The following RHOT1 variants were observed in gnomAD, a reference collection of about 807,000 sequenced individuals.
The protein encoded by RHOT1 is mitochondrial Rho GTPase 1.
In RHOT1, 27 loss-of-function variants were observed where a neutral mutation model predicts 95.3. The ratio of observed to expected loss-of-function variants is 0.28; its 90% CI spans 0.21 to 0.39. The LOEUF (loss-of-function observed/expected upper bound fraction) is 0.39. RHOT1 is among the 10% of genes least tolerant of loss of function. The pLI is 1.00. For missense variants in RHOT1, 578 were observed against 786.7 expected (o/e 0.73, Z 3.17); for synonymous variants, 227 against 263.5 (o/e 0.86, Z 1.34).
intron 1 of RHOT1, among the ~76,000 whole-genome samples, chr17:32,162,350 G>A (rs2033642764): frequency 6.6e-6 from 1 of 152,170 alleles, no homozygotes; most frequent in African/African-American, 2.4e-5. Context: ...AGAAGCTGGG[G>A]ACAAAGACCA....
intron 8 of RHOT1, 99 bp downstream of exon 8, chr17:32,183,371 T>C: frequency 1.7e-6 from 1 of 579,140 alleles, no homozygotes; most frequent in South Asian, 6.4e-5. Flanking sequence ...GAGATTAAAC[T>C]GCTGAAATTT....
At chr17:32,149,631 A>ATGTGTGTGTGTGTG (rs1417047494) in intron 1 of RHOT1, among the ~76,000 whole-genome samples, 104 of 88,100 alleles carry the variant, frequency 1.2e-3, no homozygotes, top group Middle Eastern at 5.6e-3. Flanking sequence ...ATATATATAT[A>ATGTGTGTGTGTGTG]TATATGTGTG....
At chr17:32,163,746 A>G (rs981818386) in intron 1 of RHOT1, among the ~76,000 whole-genome samples, 14 of 147,366 alleles carry the variant, frequency 9.5e-5, no homozygotes, top group African/African-American at 2.0e-4. Flanking sequence ...AAAGAAAGGG[A>G]AAAAAAAAAC....
At chr17:32,173,746 T>C (rs1322086142) in intron 2 of RHOT1, 85 bp from the exon 3 acceptor site, 2 of 898,694 alleles carry the variant, frequency 2.2e-6, no homozygotes, top group Non-Finnish European at 3.6e-6. Flanking sequence ...TCAACCTGTG[T>C]AGATAAATTT....
At chr17:32,163,685 G>A (rs144636766) in intron 1 of RHOT1, among the ~76,000 whole-genome samples, 29 of 151,618 alleles carry the variant, frequency 1.9e-4, no homozygotes, top group Admixed American at 4.6e-4. Flanking sequence ...AGCTGAGATC[G>A]TGCCACTGCA....
intron 1 of RHOT1, among the ~76,000 whole-genome samples, chr17:32,150,108 A>T (rs1260285507): frequency 6.6e-6 from 1 of 152,136 alleles, no homozygotes; most frequent in Non-Finnish European, 1.5e-5. Context: ...CTGCTTTATT[A>T]TTCCTTTGAT....
intron 18 of RHOT1, among the ~76,000 whole-genome samples, chr17:32,210,518 T>C (rs973444449): frequency 6.6e-6 from 1 of 152,234 alleles, no homozygotes; most frequent in East Asian, 1.9e-4. Context: ...TATATTTTAT[T>C]TGAGTAGAAA....
chr17:32,207,290 C>G (rs539061726), intron 17 of RHOT1: 1 of 333,958 alleles, frequency 3.0e-6, no homozygotes, highest in South Asian at 8.7e-5. Flanking sequence ...CAAGCTCTTC[C>G]CAGCTGTTAA....
At chr17:32,172,756 A>AG (rs1402542326) in intron 2 of RHOT1, among the ~76,000 whole-genome samples, 1 of 152,228 alleles carries the variant, frequency 6.6e-6, no homozygotes, top group Non-Finnish European at 1.5e-5. Flanking sequence ...GCTTGAACCC[A>AG]GGGGCAGAGC....
intron 1 of RHOT1, among the ~76,000 whole-genome samples, chr17:32,152,905 G>A (rs2032495569): frequency 6.6e-6 from 1 of 151,984 alleles, no homozygotes; most frequent in Non-Finnish European, 1.5e-5. Context: ...CTGGGCTCAG[G>A]TGATTCTCCC....
intron 2 of RHOT1, among the ~76,000 whole-genome samples, chr17:32,171,886 G>A (rs1187660219): frequency 1.3e-5 from 2 of 152,204 alleles, no homozygotes; most frequent in African/African-American, 4.8e-5. Flanking sequence ...GAACTTAATA[G>A]CAGGGAAGTG....
Position 32,183,290 on chromosome 17 carries a change from TA to T in RHOT1, c.540+19del. ...AGAAGGAGGTAACAGGCTGTGTTTA[TA>T]GGGGCTGGAATGTGTATGTAGTAAC... On this transcript the variant is annotated intron_variant, in intron 8 of 19. Coordinates refer to ENST00000545287, the MANE Select transcript of RHOT1 (RefSeq NM_001033566.3). 7.2e-7 allele frequency: 1 copy of T among 1,379,654 alleles called. No homozygotes were observed. The highest frequency in any genetic ancestry group is 1.8e-5 in the South Asian group (1 of 54,396). The allele number at this position is 1,379,654 out of a possible 1,614,324, so 85.5% of individuals were successfully genotyped here.
At chr17:32,190,398 T>C (rs1310932427) in intron 8 of RHOT1, among the ~76,000 whole-genome samples, 2 of 151,948 alleles carry the variant, frequency 1.3e-5, no homozygotes. Context: ...GAGGTTGCAG[T>C]GAGCCAAGAT....
At chr17:32,159,367 AG>A in intron 1 of RHOT1, 1 of 153,086 alleles carries the variant, frequency 6.5e-6, no homozygotes, top group Non-Finnish European at 1.5e-5. Context: ...TCAGGCATGG[AG>A]GGGTGGACAG....
chr17:32,200,679 C>T (rs1039663739), intron 13 of RHOT1, among the ~76,000 whole-genome samples: 1 of 151,698 alleles, frequency 6.6e-6, no homozygotes. Flanking sequence ...GGAGCTGATG[C>T]AGGAAGATCA....
At chr17:32,149,625 A>ATGTGTGTGTGTGTGTGTGTG (rs1454201227) in intron 1 of RHOT1, among the ~76,000 whole-genome samples, 7 of 88,336 alleles carry the variant, frequency 7.9e-5, no homozygotes, top group African/African-American at 2.6e-4. Flanking sequence ...ATATATATAT[A>ATGTGTGTGTGTGTGTGTGTG]TATATATATA....
intron 9 of RHOT1, 33 bp downstream of exon 9, chr17:32,192,332 C>CTTTTTTT (rs397857197): frequency 4.6e-5 from 25 of 543,488 alleles, no homozygotes; most frequent in Middle Eastern, 4.8e-4. Flanking sequence ...ATTTGCGTAT[C>CTTTTTTT]TTTTTTTTTT....
At chr17:32,178,914 G>T (rs191463235) in intron 6 of RHOT1, 1,564 of 145,580 alleles carry the variant, frequency 0.011, 45 homozygotes, top group Admixed American at 0.066. Flanking sequence ...CTGCCCGGCC[G>T]CCACCCTGTC....
chr17:32,209,403 T>C (rs1298448092), intron 18 of RHOT1: 2 of 1,612,072 alleles, frequency 1.2e-6, no homozygotes, highest in Non-Finnish European at 1.7e-6. Context: ...ACTGATAGAA[T>C]AGAGAATTTG....
Sources: allele counts gnomAD v4.1 joint callset (sites outside exome capture counted in the v4.1 genomes callset), GRCh38; gene constraint gnomAD v4.1.1; transcripts MANE v1.5; gene names NCBI Gene and HGNC (gene_info 2026-07-23, HGNC 2026-07-21).